The following STRBP variants were observed in gnomAD, a reference collection of about 807,000 sequenced individuals.
STRBP encodes spermatid perinuclear RNA binding protein, also known as spermatid perinuclear RNA-binding protein.
Under a neutral mutation model 80.1 loss-of-function variants are expected in STRBP, and 13 were observed. The observed-to-expected ratio is 0.16, with a 90% CI of 0.11 to 0.26. The LOEUF is 0.26. STRBP is among the 10% of genes least tolerant of loss of function. STRBP has a pLI of 1.00. For missense variants in STRBP, 485 were observed against 815.2 expected (o/e 0.59, Z 4.93); for synonymous variants, 284 against 291.2 (o/e 0.98, Z 0.25).
At chr9:123,130,957 T>C (rs1433945482) in intron 17 of STRBP, among the ~76,000 whole-genome samples, 3 of 152,168 alleles carry the variant, frequency 2.0e-5, no homozygotes, top group Non-Finnish European at 4.4e-5. Flanking sequence ...GTTAGTAGTC[T>C]TCAGTAGCCC....
At chr9:123,246,307 A>C (rs1259554128) in intron 1 of STRBP, among the ~76,000 whole-genome samples, 1 of 152,240 alleles carries the variant, frequency 6.6e-6, no homozygotes, top group Admixed American at 6.5e-5. Context: ...ACTAAATGTC[A>C]CATAAGAACA....
At chr9:123,172,804 A>G (rs561439606) in intron 5 of STRBP, among the ~76,000 whole-genome samples, 2 of 152,302 alleles carry the variant, frequency 1.3e-5, no homozygotes, top group Admixed American at 1.3e-4. Context: ...TGAAAAAAAG[A>G]CCCCTTTTAA....
At position 123,251,659 on chromosome 9, in the gene STRBP, A is replaced by C. The variant is rs562475850; in HGVS notation, c.-301-14693T>G. Among the ~76,000 whole-genome samples the C allele has an allele frequency of 2.0e-5, 3 of 152,328 alleles. No individual in the cohort carries two copies. The South Asian group carries it at 6.2e-4, about 32-fold the overall frequency. On this transcript the variant is annotated intron_variant, in intron 1 of 18. Transcript: ENST00000348403. ...TCCATAGCTAATATTCTTAGATTGC[A>C]ATTCATCACAACCTCAACCTTACAG...
At chr9:123,261,330 C>T (rs951924026) in intron 1 of STRBP, among the ~76,000 whole-genome samples, 1 of 152,184 alleles carries the variant, frequency 6.6e-6, no homozygotes, top group African/African-American at 2.4e-5. Context: ...CATCAATCTT[C>T]CTTGCCAAAT....
chr9:123,243,391 A>G (rs2040738911), intron 1 of STRBP, among the ~76,000 whole-genome samples: 1 of 152,170 alleles, frequency 6.6e-6, no homozygotes, highest in African/African-American at 2.4e-5. Context: ...CACTTTTAGG[A>G]AAAAATCTTT....
chr9:123,161,221 A>T (rs994727282), intron 6 of STRBP, among the ~76,000 whole-genome samples, 153 bp from the exon 7 acceptor site: 9 of 152,226 alleles, frequency 5.9e-5, no homozygotes, highest in African/African-American at 7.2e-5. Context: ...GTTGCTTTTT[A>T]AAAAAATTAT....
chr9:123,219,229 C>G (rs2039996897), intron 2 of STRBP, among the ~76,000 whole-genome samples: 1 of 152,164 alleles, frequency 6.6e-6, no homozygotes, highest in African/African-American at 2.4e-5. Context: ...TCAGCTAGAA[C>G]CAAATCAACC....
At chr9:123,223,454 G>A (rs1406648986) in intron 2 of STRBP, among the ~76,000 whole-genome samples, 1 of 152,118 alleles carries the variant, frequency 6.6e-6, no homozygotes, top group Non-Finnish European at 1.5e-5. Flanking sequence ...AGGTGGGAGT[G>A]AGGGGATAGA....
chr9:123,193,297 CCTTA>C (rs1355484046), intron 2 of STRBP, among the ~76,000 whole-genome samples: 2 of 152,164 alleles, frequency 1.3e-5, no homozygotes, highest in African/African-American at 2.4e-5. Context: ...ATTTATCCTT[CCTTA>C]GAGTGCCATA....
intron 2 of STRBP, among the ~76,000 whole-genome samples, chr9:123,214,145 T>TATAC (rs747659967): frequency 3.5e-5 from 5 of 141,352 alleles, no homozygotes; most frequent in South Asian, 2.3e-4. Flanking sequence ...TATATATGTA[T>TATAC]ACACACACAC....
At chr9:123,116,178 C>G (rs1341560192) in intron 2 of STRBP, 2 of 445,104 alleles carry the variant, frequency 4.5e-6, no homozygotes, top group African/African-American at 4.1e-5. Context: ...ATCCCAACAC[C>G]AGATTGCTCT....
chr9:123,115,879 T>G lies in STRBP; in HGVS notation c.*84+50A>C. 2 of 374,856 alleles carry G rather than the reference T, an allele frequency of 5.3e-6. No individual in the cohort carries two copies. The highest frequency in any genetic ancestry group is 4.1e-5 in the South Asian group (2 of 49,038). The allele number at this position is 374,856 out of a possible 1,614,324, so 23.2% of individuals were successfully genotyped here. On this transcript the variant is annotated intron_variant and NMD_transcript_variant, in intron 3 of 3. Transcript: ENST00000471564. The surrounding 1 kb of genome is among the most constrained non-coding windows in gnomAD (Gnocchi z 5.0). ...CCCACTGGCTTCCCATAATTGTCTT[T>G]CACCCTTTGGAACCACATACAACAA...
At chr9:123,161,598 TA>T (rs2037525058) in intron 6 of STRBP, among the ~76,000 whole-genome samples, 1 of 152,136 alleles carries the variant, frequency 6.6e-6, no homozygotes, top group Admixed American at 6.5e-5. Context: ...TTCAACAAGA[TA>T]ACCATTAACA....
intron 2 of STRBP, among the ~76,000 whole-genome samples, chr9:123,235,021 A>T (rs1211577020): frequency 6.7e-6 from 1 of 148,412 alleles, no homozygotes; most frequent in Non-Finnish European, 1.5e-5. Flanking sequence ...CTGGGTATTC[A>T]GGTTATAAAT....
At position 123,122,344 on chromosome 9, in the gene STRBP, T is replaced by C; in HGVS notation, c.*3253A>G. ...GTATTAACCTGAAATACACAGAGGG[T>C]CCAACACCAGTTTTAAAAATACATT... On this transcript the variant is annotated 3_prime_UTR_variant, in exon 19 of 19. Transcript: ENST00000348403. 2 of 1,287,230 alleles carry C rather than the reference T, an allele frequency of 1.6e-6. No individual in the cohort carries two copies. The highest frequency in any genetic ancestry group is 1.5e-5 in the African/African-American group (1 of 65,476). 79.7% of individuals were successfully genotyped at this position (1,287,230 alleles called of 1,614,324 possible).
At chr9:123,205,342 T>C (rs567409126) in intron 2 of STRBP, among the ~76,000 whole-genome samples, 1 of 152,294 alleles carries the variant, frequency 6.6e-6, no homozygotes, top group East Asian at 1.9e-4. Flanking sequence ...GGTAAACCAA[T>C]ACCTTGGTAA....
At chr9:123,211,330 G>C (rs2039701407) in intron 2 of STRBP, among the ~76,000 whole-genome samples, 1 of 152,134 alleles carries the variant, frequency 6.6e-6, no homozygotes, top group Non-Finnish European at 1.5e-5. Context: ...AAATAAAAAA[G>C]TATTCCTTCT....
At chr9:123,225,291 T>C (rs1331086392) in intron 2 of STRBP, among the ~76,000 whole-genome samples, 1 of 152,182 alleles carries the variant, frequency 6.6e-6, no homozygotes, top group African/African-American at 2.4e-5. Flanking sequence ...ATTTATGTAG[T>C]TTGTTTTACA....
Position 123,123,096 on chromosome 9 carries a change from T to C in STRBP, c.*2501A>G. 3.0e-6 allele frequency: 3 copies of C among 985,444 alleles called. No homozygotes were observed. Among genetic ancestry groups the C allele is most frequent in the Non-Finnish European group, 3.6e-6 (3 of 829,926 alleles). 61.0% of individuals were successfully genotyped at this position (985,444 alleles called of 1,614,324 possible). A position where few individuals can be genotyped will look rare whatever the true frequency, so the allele number is the denominator to read the frequency against. On this transcript the variant is annotated 3_prime_UTR_variant, in exon 19 of 19. Transcript: ENST00000348403. ...AGACCAAGACATAGAAATTGCCATT[T>C]CAAGCCAGACAACCTGATGGTTCTA...
Sources: allele counts gnomAD v4.1 joint callset (sites outside exome capture counted in the v4.1 genomes callset), GRCh38; gene constraint gnomAD v4.1.1; non-coding constraint Gnocchi (gnomAD v3.1); transcripts MANE v1.5; gene names NCBI Gene and HGNC (gene_info 2026-07-23, HGNC 2026-07-21).